Variants in PDE10A observed in about 807,000 individuals in gnomAD.
The protein encoded by PDE10A is phosphodiesterase 10A, also known as cAMP and cAMP-inhibited cGMP 3',5'-cyclic phosphodiesterase 10A.
Under a neutral mutation model 97.7 loss-of-function variants are expected in PDE10A, and 39 were observed. The observed-to-expected ratio is 0.40, with a 90% CI of 0.31 to 0.52. The LOEUF is 0.52. Ranked by LOEUF, PDE10A falls within the 20% of genes least tolerant of loss-of-function variation. The probability of loss-of-function intolerance (pLI) is 0.56; values close to 1 mark genes in which losing one functional copy is unlikely to be tolerated. For missense variants in PDE10A, 731 were observed against 1,047.8 expected (o/e 0.70, Z 4.17); for synonymous variants, 371 against 376.8 (o/e 0.98, Z 0.18).
chr6:165,358,194 G>A (rs1402700578), intron 18 of PDE10A, among the ~76,000 whole-genome samples: 1 of 151,950 alleles, frequency 6.6e-6, no homozygotes, highest in African/African-American at 2.4e-5. Flanking sequence ...TCAATCTTTT[G>A]AAATTTATTG....
At chr6:165,767,597 G>C (rs886153608) in intron 1 of PDE10A, among the ~76,000 whole-genome samples, 2 of 152,198 alleles carry the variant, frequency 1.3e-5, no homozygotes, top group African/African-American at 2.4e-5. Flanking sequence ...AAGAGTCATC[G>C]ATGCTGTGGC....
At chr6:165,979,047 G>A (rs1028192873) in intron 1 of PDE10A, among the ~76,000 whole-genome samples, 3 of 152,174 alleles carry the variant, frequency 2.0e-5, no homozygotes, top group Non-Finnish European at 4.4e-5. Flanking sequence ...TCATTCAGAT[G>A]TCAACTCTGA....
At chr6:165,517,471 T>C (rs537122576) in intron 2 of PDE10A, among the ~76,000 whole-genome samples, 18 of 152,302 alleles carry the variant, frequency 1.2e-4, no homozygotes, top group Non-Finnish European at 2.5e-4. Context: ...TAAAATAGCA[T>C]TAATATTATC....
At chr6:165,360,896 C>G (rs745493099) in intron 18 of PDE10A, among the ~76,000 whole-genome samples, 9 of 152,024 alleles carry the variant, frequency 5.9e-5, no homozygotes, top group African/African-American at 1.9e-4. Context: ...CAATGCTGTC[C>G]CCTTTGAGGA....
At chr6:165,663,357 G>T (rs1297480613), upstream of PDE10A, among the ~76,000 whole-genome samples, 1 of 151,966 alleles carries the variant, frequency 6.6e-6, no homozygotes. Context: ...GATCCTCTGT[G>T]CGCCGCCTGC....
intron 1 of PDE10A, among the ~76,000 whole-genome samples, chr6:165,741,413 T>A (rs940690809): frequency 6.6e-6 from 1 of 152,182 alleles, no homozygotes; most frequent in Non-Finnish European, 1.5e-5. Flanking sequence ...ATGGTAGCAT[T>A]CCATATTTAT....
intron 1 of PDE10A, among the ~76,000 whole-genome samples, chr6:165,737,233 C>T (rs555440890): frequency 2.6e-5 from 4 of 152,168 alleles, no homozygotes; most frequent in Non-Finnish European, 5.9e-5. Context: ...TAATGCCAAG[C>T]CTTCTCAAAC....
At chr6:165,754,580 A>G (rs73259448) in intron 1 of PDE10A, among the ~76,000 whole-genome samples, 1,828 of 152,164 alleles carry the variant, frequency 0.012, 38 homozygotes, top group African/African-American at 0.04. Context: ...ATATATATAT[A>G]TGTGTGTGTA....
At chr6:165,973,113 G>T (rs1185458801) in intron 1 of PDE10A, among the ~76,000 whole-genome samples, 1 of 152,084 alleles carries the variant, frequency 6.6e-6, no homozygotes, top group Non-Finnish European at 1.5e-5. Flanking sequence ...AATACTGGTT[G>T]AGCCCAATCC....
chr6:165,787,052 T>C (rs937075307), intron 1 of PDE10A, among the ~76,000 whole-genome samples: 3 of 152,174 alleles, frequency 2.0e-5, no homozygotes, highest in South Asian at 2.1e-4. Context: ...TATTTTCAAA[T>C]TCAATTTAAT....
intron 2 of PDE10A, among the ~76,000 whole-genome samples, chr6:165,529,147 C>T (rs1782624399): frequency 6.6e-6 from 1 of 152,198 alleles, no homozygotes; most frequent in African/African-American, 2.4e-5. Flanking sequence ...CACAGGGACA[C>T]TCTGGGCTCC....
chr6:165,714,195 G>A (rs1791970857), intron 1 of PDE10A, among the ~76,000 whole-genome samples: 1 of 152,194 alleles, frequency 6.6e-6, no homozygotes, highest in Non-Finnish European at 1.5e-5. Flanking sequence ...CAGTGTTCAT[G>A]CCTCATACAC....
chr6:165,762,765 G>T (rs2323028), intron 1 of PDE10A, among the ~76,000 whole-genome samples: 13 of 151,776 alleles, frequency 8.6e-5, no homozygotes, highest in African/African-American at 3.2e-4. Context: ...CTTTTCTCTG[G>T]GACATATATT....
At chr6:165,522,449 G>A (rs888186547) in intron 2 of PDE10A, among the ~76,000 whole-genome samples, 13 of 151,914 alleles carry the variant, frequency 8.6e-5, no homozygotes, top group African/African-American at 2.7e-4. Context: ...AAGTTAATTC[G>A]CCACAATCAA....
intron 1 of PDE10A, chr6:165,718,291 A>G (rs374772948): frequency 6.6e-6 from 1 of 152,214 alleles, no homozygotes; most frequent in South Asian, 2.1e-4. Flanking sequence ...GACCTGGTTA[A>G]TCTCTGTGTA....
chr6:165,347,066 CT>C (rs149163527), intron 18 of PDE10A, among the ~76,000 whole-genome samples: 12,055 of 151,432 alleles, frequency 0.08, 538 homozygotes, highest in Middle Eastern at 0.2. Context: ...AGGTTCAATT[CT>C]TTTTTTCTCT....
intron 1 of PDE10A, among the ~76,000 whole-genome samples, chr6:165,974,628 A>T (rs1029424517): frequency 4.6e-5 from 7 of 152,248 alleles, no homozygotes; most frequent in Non-Finnish European, 1.0e-4. Context: ...TGGACATAAG[A>T]TATTAAGACT....
intron 1 of PDE10A, among the ~76,000 whole-genome samples, chr6:165,669,880 A>G (rs145874391): frequency 3.3e-4 from 50 of 152,358 alleles, no homozygotes; most frequent in Non-Finnish European, 6.3e-4. Context: ...TAATGTAACA[A>G]GGCAAAATTC....
intron 1 of PDE10A, among the ~76,000 whole-genome samples, chr6:165,811,274 T>C (rs960492649): frequency 6.6e-6 from 1 of 152,148 alleles, no homozygotes; most frequent in African/African-American, 2.4e-5. Flanking sequence ...TCCTAGAAGC[T>C]AGCATCTGAA....
Sources: allele counts gnomAD v4.1 joint callset (sites outside exome capture counted in the v4.1 genomes callset), GRCh38; gene constraint gnomAD v4.1.1; transcripts MANE v1.5; gene names NCBI Gene and HGNC (gene_info 2026-07-23, HGNC 2026-07-21).